KREMEN1: variants seen among roughly 807,000 people sequenced by gnomAD.
The protein encoded by KREMEN1 is kringle containing transmembrane protein 1, also known as kremen protein 1.
KREMEN1 carries 30 observed loss-of-function variants against 46.5 expected under a neutral mutation model. That is an observed-to-expected ratio of 0.65 (90% CI 0.48 to 0.88). KREMEN1 has a LOEUF of 0.88. KREMEN1 is among the 40% of genes least tolerant of loss of function. KREMEN1 has a pLI of 0.00. For missense variants in KREMEN1, 533 were observed against 596.9 expected (o/e 0.89, Z 1.11); for synonymous variants, 214 against 230.6 (o/e 0.93, Z 0.65).
chr22:29,093,069 A>G (rs1053059724), intron 1 of KREMEN1, among the ~76,000 whole-genome samples: 2 of 152,214 alleles, frequency 1.3e-5, no homozygotes, highest in African/African-American at 2.4e-5. Flanking sequence ...GCCATTCCAG[A>G]CAAAACACAG....
At chr22:29,082,816 C>T (rs1421163684) in intron 1 of KREMEN1, among the ~76,000 whole-genome samples, 1 of 152,228 alleles carries the variant, frequency 6.6e-6, no homozygotes, top group Non-Finnish European at 1.5e-5. Context: ...AGACCCTGAG[C>T]CTTCAAATAG....
At chr22:29,162,714 C>CA (rs372508212) in intron 9 of KREMEN1, among the ~76,000 whole-genome samples, 78 of 142,534 alleles carry the variant, frequency 5.5e-4, no homozygotes, top group South Asian at 3.1e-3. Flanking sequence ...CTCCGTCACA[C>CA]AAAAAAAAAG....
At chr22:29,139,334 G>T (rs1378383387) in intron 7 of KREMEN1, among the ~76,000 whole-genome samples, 1 of 152,238 alleles carries the variant, frequency 6.6e-6, no homozygotes, top group Middle Eastern at 3.2e-3. Flanking sequence ...AGGTGCAGTG[G>T]CTCATGCCTG....
Position 29,146,334 on chromosome 22 carries a change from G to A in KREMEN1, c.*4222G>A, listed in dbSNP as rs2038862385. ...CCCTCAGGCTGGACGGCTCCGGGGT[G>A]ACAGGGCTTCACCCTCTGCCTGCAG... is the stretch of plus-strand genomic sequence containing the variant. On this transcript the variant is annotated 3_prime_UTR_variant, in exon 9 of 9. Transcript: ENST00000400335. 2.0e-6 allele frequency: 2 copies of A among 985,884 alleles called. No individual in the cohort carries two copies. The highest frequency in any genetic ancestry group is 1.7e-5 in the African/African-American group (1 of 57,354). The allele number at this position is 985,884 out of a possible 1,614,324, so 61.1% of individuals were successfully genotyped here.
At chr22:29,164,151 A>G (rs762808063) in intron 9 of KREMEN1, among the ~76,000 whole-genome samples, 1 of 152,252 alleles carries the variant, frequency 6.6e-6, no homozygotes, top group African/African-American at 2.4e-5. Flanking sequence ...GTCCAGATGT[A>G]AGAGATTTAC....
At chr22:29,140,466 C>A in intron 8 of KREMEN1, 100 bp downstream of exon 8, 1 of 896,984 alleles carries the variant, frequency 1.1e-6, no homozygotes, top group Non-Finnish European at 1.8e-6. Flanking sequence ...AGAATAAGCA[C>A]ATGATTCCAA....
At chr22:29,141,177 A>G (rs1044491007) in intron 8 of KREMEN1, among the ~76,000 whole-genome samples, 13 of 152,212 alleles carry the variant, frequency 8.5e-5, no homozygotes, top group African/African-American at 1.7e-4. Flanking sequence ...ACCCCTTTAC[A>G]TAGACACCTC....
At chr22:29,151,518 G>A (rs757555853), downstream of KREMEN1, among the ~76,000 whole-genome samples, 11 of 152,112 alleles carry the variant, frequency 7.2e-5, no homozygotes, top group Non-Finnish European at 1.0e-4. Flanking sequence ...AGCCATCTAC[G>A]CAACTCCATG....
chr22:29,110,284 C>A (rs1001487641), intron 3 of KREMEN1, among the ~76,000 whole-genome samples: 1 of 152,166 alleles, frequency 6.6e-6, no homozygotes, highest in Non-Finnish European at 1.5e-5. Context: ...ACTTCTTATA[C>A]GGTGGCTGGC....
At chr22:29,159,391 C>T (rs1007437077) in intron 9 of KREMEN1, among the ~76,000 whole-genome samples, 8 of 149,262 alleles carry the variant, frequency 5.4e-5, no homozygotes, top group South Asian at 4.7e-4. Flanking sequence ...GAGGTTGAGG[C>T]GGGTGGATCT....
At chr22:29,089,742 C>T (rs149310786) in intron 1 of KREMEN1, among the ~76,000 whole-genome samples, 192 of 152,340 alleles carry the variant, frequency 1.3e-3, no homozygotes, top group African/African-American at 4.3e-3. Context: ...CCTGCCCTTC[C>T]CTGCTCATTC....
intron 1 of KREMEN1, among the ~76,000 whole-genome samples, chr22:29,086,722 A>T (rs893495402): frequency 1.3e-5 from 2 of 152,132 alleles, no homozygotes; most frequent in Admixed American, 6.6e-5. Context: ...TAGGTGTGCT[A>T]TGTGAATATT....
chr22:29,099,419 T>C (rs2145772512), intron 3 of KREMEN1: 1 of 154,234 alleles, frequency 6.5e-6, no homozygotes, highest in Non-Finnish European at 1.4e-5. Flanking sequence ...GGTAGTTCTT[T>C]TACCCACATT....
At chr22:29,129,223 C>T (rs1569329995) in intron 5 of KREMEN1, among the ~76,000 whole-genome samples, 1 of 152,040 alleles carries the variant, frequency 6.6e-6, no homozygotes, top group Non-Finnish European at 1.5e-5. Flanking sequence ...CAGGGGTGCA[C>T]ACCTGTAATT....
intron 1 of KREMEN1, among the ~76,000 whole-genome samples, chr22:29,084,896 C>T (rs929748735): frequency 2.6e-5 from 4 of 151,994 alleles, no homozygotes; most frequent in Admixed American, 6.6e-5. Flanking sequence ...CCTTTCCTTC[C>T]GTACTGTTTT....
At chr22:29,131,610 GTGTATATA>G (rs2038545586) in intron 5 of KREMEN1, among the ~76,000 whole-genome samples, 2 of 133,328 alleles carry the variant, frequency 1.5e-5, no homozygotes, top group South Asian at 2.2e-4. Context: ...GTATATATGT[GTGTATATA>G]TATGTATATA....
chr22:29,117,296 A>G (rs117314150), intron 3 of KREMEN1, among the ~76,000 whole-genome samples: 2,953 of 152,334 alleles, frequency 0.019, 38 homozygotes, highest in Non-Finnish European at 0.031. Context: ...GACCGGGCGC[A>G]GTAGCTCACG....
chr22:29,089,963 G>A (rs894159273), intron 1 of KREMEN1, among the ~76,000 whole-genome samples: 18 of 152,166 alleles, frequency 1.2e-4, no homozygotes, highest in Middle Eastern at 3.4e-3. Flanking sequence ...CCATTCCATC[G>A]TACTCCCTTT....
intron 9 of KREMEN1, among the ~76,000 whole-genome samples, chr22:29,161,546 A>G (rs1039113965): frequency 1.3e-4 from 19 of 150,792 alleles, no homozygotes; most frequent in South Asian, 2.1e-4. Context: ...TTGAATTGGT[A>G]CTAAAAAACT....
Sources: gnomAD v4.1 joint callset for allele counts (sites outside exome capture counted in the v4.1 genomes callset) on GRCh38, gnomAD v4.1.1 for gene constraint, MANE v1.5 for transcripts, NCBI Gene and HGNC (gene_info 2026-07-23, HGNC 2026-07-21) for gene names.